The following COL10A1 variants were observed in gnomAD, a reference collection of about 807,000 sequenced individuals.
COL10A1 encodes the protein collagen type X alpha 1 chain.
In COL10A1, 10 loss-of-function variants were observed where a neutral mutation model predicts 18.2. That is an observed-to-expected ratio of 0.55 (90% CI 0.34 to 0.93). COL10A1 has a LOEUF of 0.93. Ranked by LOEUF, COL10A1 falls within the 40% of genes least tolerant of loss-of-function variation. The pLI, the probability that COL10A1 is intolerant of heterozygous loss-of-function variation, is 0.02. For synonymous variants in COL10A1, 330 were observed against 316.6 expected, an observed-to-expected ratio of 1.04 and a Z score of -0.45; for missense variants, 897 against 853.5, an observed-to-expected ratio of 1.05 and a Z score of -0.64.
Position 116,120,799 on chromosome 6 carries a change from A to T in COL10A1, c.1317T>A (p.Ala439=). The T allele has an allele frequency of 6.2e-7, 1 of 1,612,616 alleles. No homozygotes were observed. The highest frequency in any genetic ancestry group is 8.5e-7 in the Non-Finnish European group (1 of 1,179,716). The change falls in exon 3 of 3, where the codon GCT becomes GCA. Residue 439 remains alanine, a synonymous_variant. Coordinates refer to ENST00000651968, the MANE Select transcript of COL10A1 (RefSeq NM_000493.4). ...AKGMPGHNGE[A]GPRGAPGIPG... ...GTATTCCAGGGGCACCTCTTGGGCC[A>T]GCCTCTCCATTGTGTCCGGGCATTC...
the COL10A1 span, among the ~76,000 whole-genome samples, chr6:116,214,832 G>A: frequency 2.6e-5 from 4 of 151,462 alleles, no homozygotes; most frequent in Non-Finnish European, 5.9e-5. Flanking sequence ...AAAAAAAAAA[G>A]AGTTATCTGG....
chr6:116,185,867 A>G, the COL10A1 span, among the ~76,000 whole-genome samples: 32 of 152,022 alleles, frequency 2.1e-4, no homozygotes, highest in Admixed American at 6.6e-5. Context: ...TTTACATTCA[A>G]CGTTAGTATT....
At chr6:116,163,473 CTT>C (rs1294638506), upstream of COL10A1, among the ~76,000 whole-genome samples, 1 of 151,828 alleles carries the variant, frequency 6.6e-6, no homozygotes, top group Non-Finnish European at 1.5e-5. Flanking sequence ...TTAATGTTAT[CTT>C]TATCATTTCT....
the COL10A1 span, among the ~76,000 whole-genome samples, chr6:116,178,078 TGTGTGTGTGTGC>T: frequency 2.1e-4 from 23 of 111,310 alleles, no homozygotes; most frequent in South Asian, 8.1e-4. Context: ...TGTGTGTGTG[TGTGTGTGTGTGC>T]GCGCGCGCGC....
In COL10A1 at chr6:116,121,915, A is replaced by C; in HGVS notation, c.201T>G (p.Pro67=). The change falls in exon 3 of 3, where the codon CCT becomes CCG. Residue 67 remains proline (P), a synonymous_variant. Coordinates refer to ENST00000651968, the MANE Select transcript of COL10A1 (RefSeq NM_000493.4). ...GACCTGGGTGCCCTCGAGGTCCAGCAGGGCCTGGTGGACCAGGAGTACCTT... is the reference window on the plus strand; with the variant it reads ...GACCTGGGTGCCCTCGAGGTCCAGCCGGGCCTGGTGGACCAGGAGTACCTT... The part of the protein sequence containing the change: ...GEQGTPGPPG[P]AGPRGHPGPS... The C allele has an allele frequency of 5.6e-6, 9 of 1,613,798 alleles. No homozygotes were observed. Among genetic ancestry groups the C allele is most frequent in the Non-Finnish European group, 7.6e-6 (9 of 1,179,988 alleles).
Position 116,145,218 on chromosome 6 carries a change from GCTAA to G in COL10A1, c.-16+13392_-16+13395del, listed in dbSNP as rs953770785. Among the ~76,000 whole-genome samples the G allele has an allele frequency of 3.3e-5, 5 of 152,116 alleles. No homozygotes were observed. The East Asian group carries it at 5.8e-4, about 18-fold the overall frequency. On this transcript the variant is annotated intron_variant, in intron 1 of 1. Coordinates refer to the COL10A1 transcript ENST00000418500. ...CCTCAACAGAGGACAACTGATAACA[GCTAA>G]CTATTAAATGTCCCCAAAAGAATTT... is the stretch of plus-strand genomic sequence containing the variant.
upstream of COL10A1, among the ~76,000 whole-genome samples, chr6:116,129,530 G>A (rs1488576100): frequency 6.6e-6 from 1 of 152,146 alleles, no homozygotes; most frequent in Non-Finnish European, 1.5e-5. Flanking sequence ...AGCAAGCTCG[G>A]CCCCCTTTTG....
the COL10A1 span, among the ~76,000 whole-genome samples, chr6:116,211,889 C>A: frequency 6.6e-6 from 1 of 151,998 alleles, no homozygotes; most frequent in Non-Finnish European, 1.5e-5. Flanking sequence ...GCTCTGATCC[C>A]CCAACACACA....
chr6:116,191,851 C>T, the COL10A1 span, among the ~76,000 whole-genome samples: 1 of 152,018 alleles, frequency 6.6e-6, no homozygotes, highest in Non-Finnish European at 1.5e-5. Context: ...GTTCTCATTG[C>T]TCATTAATGT....
At chr6:116,125,227 C>T in intron 2 of COL10A1, 112 bp downstream of exon 2, 1 of 1,235,780 alleles carries the variant, frequency 8.1e-7, no homozygotes. Flanking sequence ...TGGGCTAATT[C>T]AGAAGTTGGA....
At chr6:116,167,167 G>A in the COL10A1 span, among the ~76,000 whole-genome samples, 26 of 141,570 alleles carry the variant, frequency 1.8e-4, no homozygotes, top group Non-Finnish European at 2.9e-4. Context: ...GACATACTTT[G>A]TACTTAAAAG....
At chr6:116,168,772 A>C in the COL10A1 span, among the ~76,000 whole-genome samples, 116 of 152,108 alleles carry the variant, frequency 7.6e-4, no homozygotes, top group Admixed American at 4.3e-3. Context: ...TACAGAGAAA[A>C]ATGTTGAGGT....
chr6:116,189,161 C>T, the COL10A1 span, among the ~76,000 whole-genome samples: 1 of 151,326 alleles, frequency 6.6e-6, no homozygotes, highest in South Asian at 2.1e-4. Flanking sequence ...GAATTTTGTT[C>T]TTTTTTTTAG....
chr6:116,183,821 A>G, the COL10A1 span, among the ~76,000 whole-genome samples: 3 of 151,928 alleles, frequency 2.0e-5, no homozygotes, highest in Admixed American at 6.6e-5. Context: ...AGGGTTTTCT[A>G]GGTATATGAT....
chr6:116,137,940 G>A (rs879375007), intron 1 of COL10A1, among the ~76,000 whole-genome samples: 10 of 152,028 alleles, frequency 6.6e-5, no homozygotes, highest in Non-Finnish European at 1.2e-4. Flanking sequence ...TTAGCCAGGC[G>A]TGGTGGTGTG....
the COL10A1 span, among the ~76,000 whole-genome samples, chr6:116,176,051 A>G: frequency 6.6e-6 from 1 of 152,172 alleles, no homozygotes; most frequent in Non-Finnish European, 1.5e-5. Flanking sequence ...CAGTATTTAC[A>G]CCTCAAAATG....
chr6:116,195,487 A>G, the COL10A1 span, among the ~76,000 whole-genome samples: 2 of 152,052 alleles, frequency 1.3e-5, no homozygotes, highest in Non-Finnish European at 2.9e-5. Context: ...CATTACTAAA[A>G]TATTCATTTT....
At chr6:116,205,018 A>C in the COL10A1 span, among the ~76,000 whole-genome samples, 1 of 152,026 alleles carries the variant, frequency 6.6e-6, no homozygotes, top group Non-Finnish European at 1.5e-5. Context: ...TGTGAACTAC[A>C]TATGTGTGTA....
the COL10A1 span, among the ~76,000 whole-genome samples, chr6:116,193,221 TA>T: frequency 6.6e-6 from 1 of 152,112 alleles, no homozygotes; most frequent in Non-Finnish European, 1.5e-5. Context: ...TTTCACTGTT[TA>T]TTTTTTAAAA....
Sources: gnomAD v4.1 joint callset for allele counts (sites outside exome capture counted in the v4.1 genomes callset) on GRCh38, gnomAD v4.1.1 for gene constraint, MANE v1.5 for transcripts, NCBI Gene and HGNC (gene_info 2026-07-23, HGNC 2026-07-21) for gene names.